Variants in MED15 observed in about 807,000 individuals in gnomAD.
MED15 encodes the protein mediator of RNA polymerase II transcription subunit 15.
In MED15, 41 loss-of-function variants were observed where a neutral mutation model predicts 118.7. The ratio of observed to expected loss-of-function variants is 0.35; its 90% CI spans 0.27 to 0.45. The LOEUF (loss-of-function observed/expected upper bound fraction) is 0.45, where lower values mean the gene tolerates loss of function less well. Ranked by LOEUF, MED15 falls within the 20% of genes least tolerant of loss-of-function variation. The pLI, the probability that MED15 is intolerant of heterozygous loss-of-function variation, is 1.00. For synonymous variants in MED15, 436 were observed against 413.9 expected (o/e 1.05, Z -0.65); for missense variants, 740 against 1,025.5 (o/e 0.72, Z 3.80).
chr22:20,510,320 A>C (rs2054019736), intron 1 of MED15, among the ~76,000 whole-genome samples: 1 of 152,184 alleles, frequency 6.6e-6, no homozygotes, highest in Non-Finnish European at 1.5e-5. Flanking sequence ...CGGGAGGCGG[A>C]GGTTGCAGTG....
chr22:20,582,799 G>A, intron 10 of MED15, 41 bp from the exon 11 acceptor site: 3 of 1,602,476 alleles, frequency 1.9e-6, no homozygotes, highest in Non-Finnish European at 2.5e-6. Flanking sequence ...GGCTGGCCCT[G>A]CCTGGACCCC....
chr22:20,523,367 A>G (rs564131412), intron 1 of MED15, among the ~76,000 whole-genome samples: 1 of 151,826 alleles, frequency 6.6e-6, no homozygotes, highest in Non-Finnish European at 1.5e-5. Flanking sequence ...TTAAAAAAAA[A>G]GTTCATTATG....
Position 20,586,438 on chromosome 22 carries a change from G to T in MED15, c.2231-130G>T, listed in dbSNP as rs1047319428. 36 of 1,373,714 alleles carry T rather than the reference G, an allele frequency of 2.6e-5. No homozygotes were observed. The Middle Eastern group carries it at 9.3e-4, about 35-fold the overall frequency. The allele number at this position is 1,373,714 out of a possible 1,614,324, so 85.1% of individuals were successfully genotyped here. ...GAGGAGAGCCCAAAGGCCGGGCAGC[G>T]TGCAGGACACATCACCTCCTGGTGC... On this transcript the variant is annotated intron_variant, in intron 17 of 17. Transcript: ENST00000263205.
rs139110861 is a variant in MED15, at chr22:20,546,502, G to GTTTT, written c.157-4929_157-4926dup. Among the ~76,000 whole-genome samples, 70 of 109,368 alleles carry GTTTT rather than the reference G, an allele frequency of 6.4e-4. 6 individuals carry two copies. Among genetic ancestry groups the GTTTT allele is most frequent in the East Asian group, 1.5e-3 (5 of 3,378 alleles). 71.7% of individuals were successfully genotyped at this position (109,368 alleles called of 152,430 possible). Reference sequence around the variant, plus strand: ...TTTTCTCCCACATTCGTTACATGGAGTTTTTTTTGTTTTTTTTTTTTTGTC... The same window carrying GTTTT: ...TTTTCTCCCACATTCGTTACATGGAGTTTTTTTTTTTTGTTTTTTTTTTTTTGTC... On this transcript the variant is annotated intron_variant, in intron 2 of 17. Transcript: ENST00000263205.
chr22:20,584,839 C>A lies in MED15; in HGVS notation c.1804-16C>A. ...CTCGGGTCCCGGGCTGCTGACCGTG[C>A]CCATCCTGTCTCCAGCCCACTCCCC... On this transcript the variant is annotated splice_polypyrimidine_tract_variant and intron_variant, in intron 14 of 17. Coordinates refer to ENST00000263205, the MANE Select transcript of MED15 (RefSeq NM_001003891.3). The A allele has an allele frequency of 6.2e-7, 1 of 1,610,344 alleles. No homozygotes were observed. Among genetic ancestry groups the A allele is most frequent in the Non-Finnish European group, 8.5e-7 (1 of 1,179,806 alleles).
intron 4 of MED15, 133 bp from the exon 5 acceptor site, chr22:20,554,803 T>G (rs2055924022): frequency 2.3e-6 from 2 of 863,924 alleles, no homozygotes; most frequent in African/African-American, 3.4e-5. Flanking sequence ...GCCTAGTCTC[T>G]TACTGCTTGG....
intron 1 of MED15, chr22:20,518,804 C>CT (rs1427006539): frequency 2.2e-6 from 1 of 445,016 alleles, no homozygotes; most frequent in Non-Finnish European, 4.5e-6. Flanking sequence ...TCATTTTGAA[C>CT]TTTTTTCCCT....
At chr22:20,565,055 G>A (rs1013302572) in intron 6 of MED15, among the ~76,000 whole-genome samples, 1 of 152,252 alleles carries the variant, frequency 6.6e-6, no homozygotes, top group Non-Finnish European at 1.5e-5. Context: ...AACCTGGGAG[G>A]CGGAGGTTGC....
intron 1 of MED15, among the ~76,000 whole-genome samples, chr22:20,535,563 CT>C (rs574158276): frequency 0.032 from 4,552 of 144,260 alleles, 201 homozygotes; most frequent in African/African-American, 0.1. Flanking sequence ...TGCTTTCTTT[CT>C]TTTTTTTTTT....
intron 13 of MED15, 146 bp downstream of exon 13, chr22:20,583,539 T>G: frequency 2.2e-6 from 2 of 927,472 alleles, no homozygotes; most frequent in Admixed American, 4.5e-5. Flanking sequence ...TCCACTCTGG[T>G]GTGTGCTGGG....
At chr22:20,570,935 T>C (rs1249056072) in intron 8 of MED15, among the ~76,000 whole-genome samples, 1 of 151,712 alleles carries the variant, frequency 6.6e-6, no homozygotes, top group Admixed American at 6.6e-5. Context: ...CAGCTAATTT[T>C]TTTTTCCTCT....
intron 8 of MED15, among the ~76,000 whole-genome samples, chr22:20,571,740 T>A (rs2056668260): frequency 6.6e-6 from 1 of 152,246 alleles, no homozygotes; most frequent in African/African-American, 2.4e-5. Flanking sequence ...ATTCATGATC[T>A]TCTTTTGAAA....
chr22:20,555,753 G>T (rs76454669), intron 5 of MED15, among the ~76,000 whole-genome samples: 4,338 of 152,330 alleles, frequency 0.028, 217 homozygotes, highest in African/African-American at 0.098. Context: ...ACGGGGTCTC[G>T]CTCTGTGGGC....
chr22:20,574,844 C>T (rs1324677027), intron 8 of MED15: 2 of 461,774 alleles, frequency 4.3e-6, no homozygotes, highest in Non-Finnish European at 8.0e-6. Flanking sequence ...GTGTTGAGGA[C>T]ACCAGTGCAG....
intron 17 of MED15, 90 bp from the exon 18 acceptor site, chr22:20,586,477 TG>T: frequency 6.5e-7 from 1 of 1,549,928 alleles, no homozygotes; most frequent in Non-Finnish European, 8.7e-7. Context: ...GGCCCGCGCC[TG>T]GGGCTACCCC....
intron 5 of MED15, among the ~76,000 whole-genome samples, chr22:20,563,191 C>T (rs867934961): frequency 6.6e-6 from 1 of 152,204 alleles, no homozygotes. Context: ...TCAGCAGTTA[C>T]ACTCTTGGGT....
intron 1 of MED15, among the ~76,000 whole-genome samples, chr22:20,528,006 G>T (rs1049345486): frequency 1.3e-5 from 2 of 150,002 alleles, no homozygotes; most frequent in Non-Finnish European, 3.0e-5. Context: ...TCATCCTCTC[G>T]CCTCAGCCTC....
chr22:20,531,154 A>C (rs928966854), intron 1 of MED15, among the ~76,000 whole-genome samples: 57 of 151,100 alleles, frequency 3.8e-4, no homozygotes, highest in African/African-American at 1.3e-3. Flanking sequence ...AGCAGGCTTT[A>C]AGTTTGATGC....
chr22:20,535,704 C>T (rs1365151627), intron 1 of MED15, among the ~76,000 whole-genome samples: 1 of 151,194 alleles, frequency 6.6e-6, no homozygotes, highest in Non-Finnish European at 1.5e-5. Context: ...GGACTACAGG[C>T]GCCTGCCACC....
Sources: allele counts gnomAD v4.1 joint callset (sites outside exome capture counted in the v4.1 genomes callset), GRCh38; gene constraint gnomAD v4.1.1; transcripts MANE v1.5; gene names NCBI Gene and HGNC (gene_info 2026-07-23, HGNC 2026-07-21).